PSAP: variants seen among roughly 807,000 people sequenced by gnomAD.
The protein encoded by PSAP is prosaposin.
PSAP carries 25 observed loss-of-function variants against 66.0 expected under a neutral mutation model. The ratio of observed to expected loss-of-function variants is 0.38; its 90% CI spans 0.28 to 0.53. The LOEUF (loss-of-function observed/expected upper bound fraction) is 0.53, where lower values mean the gene tolerates loss of function less well. Ranked by LOEUF, PSAP falls within the 20% of genes least tolerant of loss-of-function variation. The pLI is 0.83. For missense variants in PSAP, 649 were observed against 668.8 expected (o/e 0.97, Z 0.33); for synonymous variants, 273 against 258.9 (o/e 1.05, Z -0.52).
intron 1 of PSAP, among the ~76,000 whole-genome samples, chr10:71,850,617 A>C (rs1442993908): frequency 1.3e-5 from 2 of 152,236 alleles, no homozygotes; most frequent in Non-Finnish European, 2.9e-5. Context: ...TTTGCCTCAG[A>C]ATAAATCTCA....
intron 8 of PSAP, among the ~76,000 whole-genome samples, chr10:71,820,558 C>T (rs1219094945): frequency 3.5e-5 from 5 of 141,966 alleles, no homozygotes; most frequent in African/African-American, 1.3e-4. Context: ...CTCCCCCTAA[C>T]CCCACCAAAA....
Position 71,816,346 on chromosome 10 carries a change from A to G in PSAP, c.*1095T>C. 1 of 464,466 alleles carries G rather than the reference A, an allele frequency of 2.2e-6. No individual in the cohort carries two copies. The highest frequency in any genetic ancestry group is 1.6e-5 in the South Asian group (1 of 64,492). The allele number at this position is 464,466 out of a possible 1,614,324, so 28.8% of individuals were successfully genotyped here. ...TAAATCACAGAAACTTTAGTGCAAA[A>G]CAAAAATCACGAAGTCCATTTAATA... On this transcript the variant is annotated 3_prime_UTR_variant, in exon 14 of 14. Coordinates refer to ENST00000394936, the MANE Select transcript of PSAP (RefSeq NM_002778.4).
rs1339289225 is a variant in PSAP at position 71,828,005 on chromosome 10, A to C, written c.720+9T>G. The C allele has an allele frequency of 6.2e-7, 1 of 1,614,160 alleles. No individual in the cohort carries two copies. The highest frequency in any genetic ancestry group is 8.5e-7 in the Non-Finnish European group (1 of 1,180,002). ...GAACATCCCCAATGCACAAGGACACAAGGCTCACTATGTCGGCCATGCCAG... is the reference window on the plus strand; with the variant it reads ...GAACATCCCCAATGCACAAGGACACCAGGCTCACTATGTCGGCCATGCCAG... On this transcript the variant is annotated intron_variant, in intron 6 of 13. Coordinates refer to ENST00000394936, the MANE Select transcript of PSAP (RefSeq NM_002778.4).
In PSAP at chr10:71,818,640, T is replaced by G; in HGVS notation, c.1516A>C (p.Thr506Pro). ...ACATTGCACTGGGCTGCTGTCTCTG[T>G]GTTCTGGCACCAGTAGCTTGGGCCC... ...IWGPSYWCQN[T>P]ETAAQCNAVE... The change falls in exon 13 of 14, where the codon ACA becomes CCA. Residue 506 changes from threonine to proline, a missense_variant. Physicochemically the swap from Thr to Pro is conservative, Grantham distance 38. Transcript: ENST00000394936. 3 of 1,613,912 alleles carry G rather than the reference T, an allele frequency of 1.9e-6. No individual in the cohort carries two copies.
intron 1 of PSAP, among the ~76,000 whole-genome samples, chr10:71,844,214 A>G (rs1842779671): frequency 6.6e-6 from 1 of 152,272 alleles, no homozygotes; most frequent in Non-Finnish European, 1.5e-5. Context: ...GAGCACTTCT[A>G]CAATTGTTAG....
At chr10:71,820,187 T>C in intron 9 of PSAP, 53 bp downstream of exon 9, 1 of 1,493,128 alleles carries the variant, frequency 6.7e-7, no homozygotes, top group Non-Finnish European at 9.3e-7. Flanking sequence ...CACTGGGACA[T>C]TCAGGCTCGG....
intron 1 of PSAP, among the ~76,000 whole-genome samples, chr10:71,846,631 C>T (rs1842829258): frequency 6.8e-6 from 1 of 146,896 alleles, no homozygotes; most frequent in African/African-American, 2.5e-5. Flanking sequence ...ACCTGGGAGG[C>T]TGAGGTATGA....
chr10:71,840,807 A>G (rs1842719462), intron 1 of PSAP, among the ~76,000 whole-genome samples: 1 of 152,232 alleles, frequency 6.6e-6, no homozygotes, highest in African/African-American at 2.4e-5. Flanking sequence ...TACACGGAGA[A>G]GGCAACAGAG....
In PSAP at chr10:71,818,503, A is replaced by C. The variant is rs1363311097; in HGVS notation, c.1539+114T>G. On this transcript the variant is annotated intron_variant, in intron 13 of 13. Transcript: ENST00000394936. ...CACCTCTCTGGGCCTCAGCTTTCTG[A>C]TAACATAAAAGCAGGGTGGAGAGTT... The C allele has an allele frequency of 1.4e-5, 14 of 969,912 alleles. No individual in the cohort carries two copies. In the East Asian group the frequency reaches 3.1e-4, roughly 21 times the overall value. 60.1% of individuals were successfully genotyped at this position (969,912 alleles called of 1,614,324 possible).
intron 9 of PSAP, 93 bp downstream of exon 9, chr10:71,820,147 G>C: frequency 8.4e-7 from 1 of 1,197,576 alleles, no homozygotes; most frequent in Non-Finnish European, 1.2e-6. Context: ...GTCAAGGCTG[G>C]GCCAAGCCCT....
chr10:71,824,435 G>A (rs1474450591), intron 7 of PSAP, among the ~76,000 whole-genome samples: 1 of 152,198 alleles, frequency 6.6e-6, no homozygotes, highest in Non-Finnish European at 1.5e-5. Flanking sequence ...AAAGCCTCAT[G>A]CTTCCATTCA....
chr10:71,828,246 G>T, intron 5 of PSAP, 89 bp from the exon 6 acceptor site: 1 of 1,413,518 alleles, frequency 7.1e-7, no homozygotes, highest in East Asian at 2.3e-5. Context: ...AGCATTAGGG[G>T]GCACTTGCTG....
chr10:71,829,358 T>C (rs1051063756), intron 4 of PSAP, among the ~76,000 whole-genome samples: 5 of 152,284 alleles, frequency 3.3e-5, no homozygotes, highest in East Asian at 3.9e-4. Context: ...GTAGCTGCCA[T>C]AGTCCCCACG....
rs551142529 is a variant in PSAP at position 71,829,751 on chromosome 10, C to A, written c.376-674G>T. Among the ~76,000 whole-genome samples, 610 of 152,266 alleles carry A rather than the reference C, an allele frequency of 4.0e-3. 10 individuals are homozygous for A. Among genetic ancestry groups the A allele is most frequent in the African/African-American group, 0.014 (589 of 41,540 alleles). ...CAGTGGCTCACACCTGTAATCCCAGCACTTTGTGAGGCCGAGGCGGGCGGA... is the reference window on the plus strand; with the variant it reads ...CAGTGGCTCACACCTGTAATCCCAGAACTTTGTGAGGCCGAGGCGGGCGGA... On this transcript the variant is annotated intron_variant, in intron 4 of 13. Transcript: ENST00000394936.
chr10:71,820,380 C>G, intron 8 of PSAP, 45 bp from the exon 9 acceptor site: 1 of 1,536,430 alleles, frequency 6.5e-7, no homozygotes, highest in East Asian at 2.2e-5. Context: ...CTGGGACTCA[C>G]AGCCCTTGGT....
chr10:71,831,622 G>A (rs1391289882), intron 3 of PSAP, among the ~76,000 whole-genome samples: 1 of 152,170 alleles, frequency 6.6e-6, no homozygotes, highest in Admixed American at 6.5e-5. Flanking sequence ...CAGAACTCAA[G>A]GAATGGTGTT....
intron 1 of PSAP, among the ~76,000 whole-genome samples, chr10:71,850,575 G>T (rs1350051007): frequency 6.6e-6 from 1 of 152,184 alleles, no homozygotes; most frequent in East Asian, 1.9e-4. Flanking sequence ...AGGACCTCCT[G>T]AGGGCTGTGT....
chr10:71,821,736 A>G, intron 8 of PSAP, 140 bp downstream of exon 8: 1 of 1,123,398 alleles, frequency 8.9e-7, no homozygotes, highest in Non-Finnish European at 1.3e-6. Flanking sequence ...AGGATAAACC[A>G]GTGATCACAA....
chr10:71,847,410 T>C (rs1209188524), intron 1 of PSAP, among the ~76,000 whole-genome samples: 2 of 152,168 alleles, frequency 1.3e-5, no homozygotes, highest in African/African-American at 4.8e-5. Context: ...TTTATAGGCA[T>C]GGTGGTGGGC....
Sources: gnomAD v4.1 joint callset for allele counts (sites outside exome capture counted in the v4.1 genomes callset) on GRCh38, gnomAD v4.1.1 for gene constraint, MANE v1.5 for transcripts, NCBI Gene and HGNC (gene_info 2026-07-23, HGNC 2026-07-21) for gene names.